NDUFAF6: variants seen among roughly 807,000 people sequenced by gnomAD.
The protein encoded by NDUFAF6 is NADH:ubiquinone oxidoreductase complex assembly factor 6, also known as NADH dehydrogenase (ubiquinone) complex I, assembly factor 6.
NDUFAF6 carries 45 observed loss-of-function variants against 40.8 expected under a neutral mutation model. The ratio of observed to expected loss-of-function variants is 1.10; its 90% CI spans 0.87 to 1.42. The LOEUF is 1.42. Among genes scored for constraint, NDUFAF6 ranks in the 40% most tolerant of loss-of-function variants. NDUFAF6 has a pLI of 0.00. For synonymous variants in NDUFAF6, 185 were observed against 155.9 expected, an observed-to-expected ratio of 1.19 and a Z score of -1.39; for missense variants, 435 against 418.5, an observed-to-expected ratio of 1.04 and a Z score of -0.34.
chr8:94,912,151 G>C (rs1818826513), intron 1 of NDUFAF6, among the ~76,000 whole-genome samples: 1 of 152,136 alleles, frequency 6.6e-6, no homozygotes, highest in African/African-American at 2.4e-5. Context: ...TATCCTACGA[G>C]GGAAAGATAG....
At chr8:94,897,687 C>G (rs1055738941) in intron 1 of NDUFAF6, among the ~76,000 whole-genome samples, 1 of 144,864 alleles carries the variant, frequency 6.9e-6, no homozygotes, top group African/African-American at 2.5e-5. Context: ...CTTAGCCCAC[C>G]CATTTCTTTA....
upstream of NDUFAF6, among the ~76,000 whole-genome samples, chr8:94,955,768 A>G (rs984358171): frequency 1.3e-5 from 2 of 152,250 alleles, no homozygotes; most frequent in East Asian, 1.9e-4. Flanking sequence ...TAATAAGTCT[A>G]TAAGTAGAAA....
In NDUFAF6 at chr8:95,052,179, G is replaced by T. The variant is rs1377537097; in HGVS notation, c.822G>T (p.Arg274Ser). Residue 274 changes from arginine (R) to serine (S), a missense_variant, in exon 8 of 9, where the codon AGG becomes AGT. Physicochemically the swap from Arg to Ser is moderately radical, Grantham distance 110 (BLOSUM62 -1). Transcript: ENST00000396124. ...CCTCTCCTCTTCCTTTTTAGGCTAG[G>T]TCCTTTCACAAAACTGTTCCTGTGA... ...SQAHLHLKHA[R>S]SFHKTVPVKA... 6.2e-7 allele frequency: 1 copy of T among 1,613,894 alleles called. No individual in the cohort carries two copies. The highest frequency in any genetic ancestry group is 8.5e-7 in the Non-Finnish European group (1 of 1,179,996).
intron 4 of NDUFAF6, among the ~76,000 whole-genome samples, chr8:95,042,598 C>A (rs1210067594): frequency 6.6e-6 from 1 of 152,132 alleles, no homozygotes; most frequent in East Asian, 1.9e-4. Flanking sequence ...CAATCCTTTT[C>A]AAAATTCCAG....
chr8:95,010,794 T>C lies in NDUFAF6; in HGVS notation c.-83-21201T>C, dbSNP rs375609620. On this transcript the variant is annotated intron_variant, in intron 2 of 9. Coordinates refer to the NDUFAF6 transcript ENST00000396111. ...AATGAGAGGTCTCTAGTGGTGCTGG[T>C]TGGGCTCTCTGGGAAGCAGATGCTG... Among the ~76,000 whole-genome samples the C allele has an allele frequency of 7.1e-4, 108 of 152,310 alleles. 1 individual carries two copies. The South Asian group carries it at 0.019, about 27-fold the overall frequency.
chr8:95,060,842 A>T (rs764023013), downstream of NDUFAF6, among the ~76,000 whole-genome samples: 2 of 152,214 alleles, frequency 1.3e-5, no homozygotes, highest in African/African-American at 2.4e-5. Context: ...AAATTAGGTT[A>T]AAAAAGGTAA....
At chr8:95,104,404 G>A (rs556689344), downstream of NDUFAF6, among the ~76,000 whole-genome samples, 3 of 152,052 alleles carry the variant, frequency 2.0e-5, no homozygotes, top group Non-Finnish European at 2.9e-5. Flanking sequence ...TAGTCACCTC[G>A]CTCACACACC....
chr8:94,912,606 C>G (rs1339602081), intron 1 of NDUFAF6, among the ~76,000 whole-genome samples: 2 of 151,472 alleles, frequency 1.3e-5, no homozygotes, highest in Non-Finnish European at 2.9e-5. Flanking sequence ...ACCATTTTGG[C>G]TGATACAGTG....
intron 1 of NDUFAF6, among the ~76,000 whole-genome samples, chr8:94,976,354 A>G (rs926583313): frequency 2.0e-5 from 3 of 151,588 alleles, no homozygotes; most frequent in Non-Finnish European, 4.4e-5. Context: ...AAATACAAAA[A>G]TTAGCTGGGT....
chr8:95,109,937 T>C (rs757702836), intron 4 of NDUFAF6, among the ~76,000 whole-genome samples: 3 of 152,272 alleles, frequency 2.0e-5, no homozygotes, highest in Non-Finnish European at 4.4e-5. Flanking sequence ...TATGTTCTTA[T>C]AAGTATTCTT....
intron 1 of NDUFAF6, chr8:94,930,485 A>G: frequency 1.9e-6 from 3 of 1,614,184 alleles, no homozygotes; most frequent in Non-Finnish European, 2.5e-6. Context: ...ACTATTAGTA[A>G]TTGTACTGAC....
intron 1 of NDUFAF6, among the ~76,000 whole-genome samples, chr8:94,941,250 A>G (rs1172380847): frequency 6.6e-6 from 1 of 152,230 alleles, no homozygotes; most frequent in Non-Finnish European, 1.5e-5. Flanking sequence ...GAAATGCAAC[A>G]TAATGTTTTG....
At chr8:95,033,925 G>A in intron 2 of NDUFAF6, 1 of 449,570 alleles carries the variant, frequency 2.2e-6, no homozygotes, top group South Asian at 1.6e-5. Context: ...AGACACCATT[G>A]AAATCACTTT....
chr8:94,962,799 T>G (rs575586107), intron 1 of NDUFAF6, among the ~76,000 whole-genome samples: 81 of 150,908 alleles, frequency 5.4e-4, no homozygotes, highest in African/African-American at 1.9e-3. Context: ...TTCTTTTTTT[T>G]TTTTGTTTGG....
chr8:95,091,001 T>C (rs909719028), intron 2 of NDUFAF6, among the ~76,000 whole-genome samples: 22 of 123,308 alleles, frequency 1.8e-4, no homozygotes, highest in Non-Finnish European at 2.0e-4. Flanking sequence ...AAGTTAATAC[T>C]TAATAAACTC....
At chr8:95,104,962 T>C (rs372030174), downstream of NDUFAF6, among the ~76,000 whole-genome samples, 4 of 151,340 alleles carry the variant, frequency 2.6e-5, no homozygotes, top group East Asian at 1.9e-4. Context: ...AAGATTAGAA[T>C]TGGGGCCATG....
intron 2 of NDUFAF6, among the ~76,000 whole-genome samples, chr8:94,998,501 A>G (rs1826564371): frequency 6.6e-6 from 1 of 152,206 alleles, no homozygotes; most frequent in Admixed American, 6.5e-5. Flanking sequence ...CTATTTCATT[A>G]CATAAAGAGC....
At chr8:94,931,274 CATTT>C (rs1820365511) in intron 1 of NDUFAF6, among the ~76,000 whole-genome samples, 1 of 152,122 alleles carries the variant, frequency 6.6e-6, no homozygotes, top group Admixed American at 6.6e-5. Flanking sequence ...AAATTCTACT[CATTT>C]GCCATTTTTC....
At chr8:95,061,816 G>A (rs1832578563), downstream of NDUFAF6, among the ~76,000 whole-genome samples, 1 of 152,150 alleles carries the variant, frequency 6.6e-6, no homozygotes, top group South Asian at 2.1e-4. Context: ...GATACAAAGA[G>A]TTATTAGCTA....
Sources: gnomAD v4.1 joint callset for allele counts (sites outside exome capture counted in the v4.1 genomes callset) on GRCh38, gnomAD v4.1.1 for gene constraint, MANE v1.5 for transcripts, NCBI Gene and HGNC (gene_info 2026-07-23, HGNC 2026-07-21) for gene names.